Variants in NLRP3 observed in about 807,000 individuals in gnomAD.
NLRP3 encodes NACHT, LRR and PYD domains-containing protein 3.
In NLRP3, 48 loss-of-function variants were observed where a neutral mutation model predicts 91.3. The ratio of observed to expected loss-of-function variants is 0.53; its 90% CI spans 0.42 to 0.67. NLRP3 has a LOEUF of 0.67. Ranked by LOEUF, NLRP3 falls within the 30% of genes least tolerant of loss-of-function variation. The pLI is 0.00. For missense variants in NLRP3, 982 were observed against 1,276.9 expected (o/e 0.77, Z 3.52); for synonymous variants, 561 against 507.9 (o/e 1.10, Z -1.41).
At chr1:247,441,718 GTTGT>G (rs1487045998) in intron 7 of NLRP3, among the ~76,000 whole-genome samples, 3 of 152,194 alleles carry the variant, frequency 2.0e-5, no homozygotes, top group Non-Finnish European at 4.4e-5. Context: ...GTGGGACATG[GTTGT>G]TTGATTCTTT....
chr1:247,416,940 C>G (rs1462856046), intron 1 of NLRP3, among the ~76,000 whole-genome samples: 1 of 152,086 alleles, frequency 6.6e-6, no homozygotes, highest in Non-Finnish European at 1.5e-5. Context: ...AGGTGCTTTG[C>G]CAAATAGAGT....
At chr1:247,436,211 T>G in intron 7 of NLRP3, 71 bp downstream of exon 7, 1 of 1,498,470 alleles carries the variant, frequency 6.7e-7, no homozygotes. Flanking sequence ...AAAATGTGGA[T>G]GGGGGTTACT....
At chr1:247,442,013 A>T (rs1259679729) in intron 7 of NLRP3, among the ~76,000 whole-genome samples, 4 of 152,254 alleles carry the variant, frequency 2.6e-5, no homozygotes, top group Non-Finnish European at 5.9e-5. Flanking sequence ...CTTTGCCAGG[A>T]ATGCTACTAA....
chr1:247,429,798 T>TGA (rs375270676), intron 5 of NLRP3, 43 bp downstream of exon 5: 180 of 1,594,678 alleles, frequency 1.1e-4, no homozygotes, highest in Middle Eastern at 6.3e-4. Flanking sequence ...CAAGTTCATA[T>TGA]GAGAGAGAGA....
chr1:247,430,182 G>A (rs1663207511), intron 5 of NLRP3, among the ~76,000 whole-genome samples: 1 of 152,244 alleles, frequency 6.6e-6, no homozygotes, highest in East Asian at 1.9e-4. Flanking sequence ...GGCCGGTGGT[G>A]TGGTTTCTGC....
At chr1:247,447,855 A>G (rs1057282669) in intron 9 of NLRP3, among the ~76,000 whole-genome samples, 16 of 152,196 alleles carry the variant, frequency 1.1e-4, no homozygotes, top group Non-Finnish European at 2.9e-5. Context: ...TGGGTGGGCA[A>G]TAGAAGAAAC....
Position 247,444,672 on chromosome 1 carries a change from G to A in NLRP3, c.2856G>A (p.Thr952=), listed in dbSNP as rs200474558. 14 of 1,613,924 alleles carry A rather than the reference G, an allele frequency of 8.7e-6. No individual in the cohort carries two copies. The highest frequency in any genetic ancestry group is 2.2e-5 in the East Asian group (1 of 44,872). ...QVLELDNCNL[T]SHCCWDLSTL... Reference sequence around the variant, plus strand: ...GCAGATTAGACAACTGCAACCTCACGTCACACTGCTGCTGGGATCTTTCCA... The same window carrying A: ...GCAGATTAGACAACTGCAACCTCACATCACACTGCTGCTGGGATCTTTCCA... Residue 952 remains threonine (T), a synonymous_variant, in exon 9 of 10, where the codon ACG becomes ACA. Coordinates refer to ENST00000336119, the MANE Select transcript of NLRP3 (RefSeq NM_001243133.2).
At position 247,434,133 on chromosome 1, in the gene NLRP3, C is replaced by T. The variant is rs199999020; in HGVS notation, c.2352C>T (p.Cys784=). The T allele has an allele frequency of 6.2e-7, 1 of 1,614,290 alleles. No homozygotes were observed. The highest frequency in any genetic ancestry group is 2.2e-5 in the East Asian group (1 of 44,894). ...WLGRCGLSHE[C]CFDISLVLSS... ...GGCGCTGTGGCCTCTCGCATGAGTG[C>T]TGCTTCGACATCTCCTTGGTCCTCA... The change falls in exon 6 of 10, where the codon TGC becomes TGT. Residue 784 remains cysteine, a synonymous_variant. Transcript: ENST00000336119.
In NLRP3 at chr1:247,436,057, G is replaced by C. The variant is rs1294489789; in HGVS notation, c.2580G>C (p.Val860=). ...STSHSLTRLY[V]GENALGDSGV... ...GCCATTCCCTGACCAGACTCTATGTGGGGGAGAATGCCTTGGGAGACTCAG... is the reference window on the plus strand; with the variant it reads ...GCCATTCCCTGACCAGACTCTATGTCGGGGAGAATGCCTTGGGAGACTCAG... Residue 860 remains valine, a synonymous_variant, in exon 7 of 10, where the codon GTG becomes GTC. Coordinates refer to ENST00000336119, the MANE Select transcript of NLRP3 (RefSeq NM_001243133.2). The C allele has an allele frequency of 2.5e-6, 4 of 1,614,028 alleles. No individual in the cohort carries two copies. Among genetic ancestry groups the C allele is most frequent in the Middle Eastern group, 1.6e-4 (1 of 6,084 alleles).
intron 7 of NLRP3, among the ~76,000 whole-genome samples, chr1:247,436,374 TTAGAG>T (rs1663793592): frequency 6.6e-6 from 1 of 152,318 alleles, no homozygotes; most frequent in East Asian, 1.9e-4. Flanking sequence ...GGAAGAAACC[TTAGAG>T]ATGGTGCAGC....
At chr1:247,429,250 T>C (rs1663130258) in intron 4 of NLRP3, among the ~76,000 whole-genome samples, 1 of 152,098 alleles carries the variant, frequency 6.6e-6, no homozygotes, top group Non-Finnish European at 1.5e-5. Context: ...GAGTGAGGAC[T>C]GCCCTCTGAT....
rs1558185559 is a variant in NLRP3, at chr1:247,418,984, G to T, written c.184G>T (p.Glu62Ter). Residue 62 changes from glutamate to a stop codon, truncating the protein, a stop_gained, in exon 2 of 10, where the codon GAG becomes TAG. Coordinates refer to ENST00000336119, the MANE Select transcript of NLRP3 (RefSeq NM_001243133.2). LOFTEE classifies it high-confidence loss of function. ...CACGCTAATGATCGACTTCAATGGG[G>T]AGGAGAAGGCGTGGGCCATGGCCGT... The part of the protein sequence containing the change: ...LATLMIDFNG[E>*]EKAWAMAVWI... 6.2e-7 allele frequency: 1 copy of T among 1,614,140 alleles called. No individual in the cohort carries two copies. The highest frequency in any genetic ancestry group is 8.5e-7 in the Non-Finnish European group (1 of 1,180,028).
In NLRP3 at chr1:247,425,749, C is replaced by A. The variant is rs970406624; in HGVS notation, c.2150+150C>A. ...CACCACTGTCTGTTTGAGACTCCTTCATGAGCAAAGATTGATGTATGGTAG... is the reference window on the plus strand; with the variant it reads ...CACCACTGTCTGTTTGAGACTCCTTAATGAGCAAAGATTGATGTATGGTAG... On this transcript the variant is annotated intron_variant, in intron 4 of 9. Transcript: ENST00000336119. This position sits in a 1 kb window ranked among gnomAD's most constrained non-coding sequence, Gnocchi z 4.1. The A allele has an allele frequency of 2.7e-6, 2 of 728,078 alleles. No individual in the cohort carries two copies. The highest frequency in any genetic ancestry group is 4.4e-5 in the Admixed American group (2 of 45,882). 45.1% of individuals were successfully genotyped at this position (728,078 alleles called of 1,614,324 possible).
chr1:247,419,746 C>T (rs1397123292), intron 2 of NLRP3, among the ~76,000 whole-genome samples: 1 of 152,144 alleles, frequency 6.6e-6, no homozygotes, highest in African/African-American at 2.4e-5. Flanking sequence ...TAGCATGTGT[C>T]GGAATTCCCT....
chr1:247,424,289 C>T lies in NLRP3; in HGVS notation c.840C>T (p.Asp280=), dbSNP rs780645723. 14 of 1,613,674 alleles carry T rather than the reference C, an allele frequency of 8.7e-6. No individual in the cohort carries two copies. Among genetic ancestry groups the T allele is most frequent in the Admixed American group, 5.0e-5 (3 of 59,984 alleles). ...LGDLIMSCCP[D]PNPPIHKIVR... ...ACCTGATCATGAGCTGCTGCCCCGA[C>T]CCAAACCCACCCATCCACAAGATCG... The change falls in exon 4 of 10, where the codon GAC becomes GAT. Residue 280 remains aspartate (D), a synonymous_variant. Coordinates refer to ENST00000336119, the MANE Select transcript of NLRP3 (RefSeq NM_001243133.2). This position sits in a 1 kb window ranked among gnomAD's most constrained non-coding sequence, Gnocchi z 8.1.
intron 7 of NLRP3, among the ~76,000 whole-genome samples, chr1:247,442,901 T>G (rs1664324691): frequency 6.6e-6 from 1 of 152,064 alleles, no homozygotes; most frequent in African/African-American, 2.4e-5. Flanking sequence ...TTGGCCTGGG[T>G]GACTGAGCAA....
chr1:247,430,451 A>G (rs1000168734), intron 5 of NLRP3, among the ~76,000 whole-genome samples: 4 of 152,060 alleles, frequency 2.6e-5, no homozygotes, highest in African/African-American at 4.8e-5. Flanking sequence ...CACAAGACCT[A>G]ATGTTAATCT....
intron 7 of NLRP3, among the ~76,000 whole-genome samples, chr1:247,440,298 C>A (rs1664120295): frequency 6.6e-6 from 1 of 152,302 alleles, no homozygotes; most frequent in East Asian, 1.9e-4. Context: ...CTGACCTGCT[C>A]CTGCCCTCTT....
rs201517763 is a variant in NLRP3 at position 247,425,138 on chromosome 1, T to C, written c.1689T>C (p.Tyr563=). 6 of 1,613,948 alleles carry C rather than the reference T, an allele frequency of 3.7e-6. No individual in the cohort carries two copies. In the East Asian group the frequency reaches 6.7e-5, roughly 18 times the overall value. Residue 563 remains tyrosine (Y), a synonymous_variant, in exon 4 of 10, where the codon TAT becomes TAC. Coordinates refer to ENST00000336119, the MANE Select transcript of NLRP3 (RefSeq NM_001243133.2). The surrounding 1 kb of genome is among the most constrained non-coding windows in gnomAD (Gnocchi z 4.1). The part of the protein sequence containing the change: ...SRDVTVLLEN[Y]GKFEKGYLIF... ...ACGTGACAGTCCTTCTGGAAAACTA[T>C]GGCAAATTCGAAAAGGGGTATTTGA... is the stretch of plus-strand genomic sequence containing the variant.
Sources: gnomAD v4.1 joint callset for allele counts (sites outside exome capture counted in the v4.1 genomes callset) on GRCh38, gnomAD v4.1.1 for gene constraint, Gnocchi (gnomAD v3.1) non-coding constraint, MANE v1.5 for transcripts, NCBI Gene and HGNC (gene_info 2026-07-23, HGNC 2026-07-21) for gene names.